The following MLLT3 variants were observed in gnomAD, a reference collection of about 807,000 sequenced individuals.
MLLT3 encodes protein AF-9.
Under a neutral mutation model 53.2 loss-of-function variants are expected in MLLT3, and 4 were observed. That is an observed-to-expected ratio of 0.08 (90% CI 0.04 to 0.17). MLLT3 has a LOEUF of 0.17. MLLT3 is among the 10% of genes least tolerant of loss of function. MLLT3 has a pLI of 1.00. For synonymous variants in MLLT3, 283 were observed against 230.6 expected (o/e 1.23, Z -2.06); for missense variants, 569 against 684.0 (o/e 0.83, Z 1.87).
At chr9:20,498,227 C>CAAAAAAAAAAAAAAA (rs529049653) in intron 2 of MLLT3, among the ~76,000 whole-genome samples, 4 of 32,518 alleles carry the variant, frequency 1.2e-4, no homozygotes, top group African/African-American at 1.6e-4. Context: ...GACGCTGTCT[C>CAAAAAAAAAAAAAAA]AAAAAAAAAA....
chr9:20,449,664 A>G (rs1358835874), intron 3 of MLLT3, among the ~76,000 whole-genome samples: 1 of 152,110 alleles, frequency 6.6e-6, no homozygotes, highest in Non-Finnish European at 1.5e-5. Context: ...TAACTACTCA[A>G]AATTCATGGT....
intron 2 of MLLT3, among the ~76,000 whole-genome samples, chr9:20,559,679 C>T (rs1361928055): frequency 1.3e-5 from 2 of 152,162 alleles, no homozygotes; most frequent in African/African-American, 4.8e-5. Flanking sequence ...AATTTGAGTG[C>T]CTCCTCCACC....
chr9:20,604,952 C>G (rs1009777632), intron 2 of MLLT3, among the ~76,000 whole-genome samples: 1 of 152,042 alleles, frequency 6.6e-6, no homozygotes, highest in Non-Finnish European at 1.5e-5. Flanking sequence ...ACTGGCTACA[C>G]AAGATAAAAC....
chr9:20,475,208 A>G (rs1824490426), intron 2 of MLLT3, among the ~76,000 whole-genome samples: 1 of 152,118 alleles, frequency 6.6e-6, no homozygotes, highest in Non-Finnish European at 1.5e-5. Context: ...TAGGAAACTC[A>G]AATACAGCAG....
intron 2 of MLLT3, among the ~76,000 whole-genome samples, chr9:20,505,502 C>G (rs1427283477): frequency 1.3e-5 from 2 of 152,186 alleles, no homozygotes; most frequent in African/African-American, 4.8e-5. Context: ...AAAATGGAAT[C>G]TGTACAAAGT....
At chr9:20,461,364 T>C (rs1226354623) in intron 2 of MLLT3, among the ~76,000 whole-genome samples, 2 of 151,894 alleles carry the variant, frequency 1.3e-5, no homozygotes, top group African/African-American at 4.8e-5. Context: ...GAAAAACACA[T>C]GGAAAGGGGG....
At chr9:20,555,292 C>A (rs879876096) in intron 2 of MLLT3, among the ~76,000 whole-genome samples, 1 of 152,124 alleles carries the variant, frequency 6.6e-6, no homozygotes, top group Non-Finnish European at 1.5e-5. Context: ...GTATTAGCCT[C>A]CAACCTAAAT....
chr9:20,449,011 C>T (rs1042085709), intron 3 of MLLT3, among the ~76,000 whole-genome samples: 4 of 152,210 alleles, frequency 2.6e-5, no homozygotes, highest in African/African-American at 9.6e-5. Flanking sequence ...ACCTTCACTG[C>T]CTACCTCCAT....
At chr9:20,472,045 T>A (rs1281717706) in intron 2 of MLLT3, among the ~76,000 whole-genome samples, 1 of 152,120 alleles carries the variant, frequency 6.6e-6, no homozygotes, top group African/African-American at 2.4e-5. Flanking sequence ...ATGGTTTACT[T>A]GAACTTCATG....
intron 2 of MLLT3, among the ~76,000 whole-genome samples, chr9:20,565,914 ATATATATT>A (rs1819343584): frequency 9.0e-6 from 1 of 111,606 alleles, no homozygotes; most frequent in Non-Finnish European, 1.7e-5. Flanking sequence ...GAAAAAATAT[ATATATATT>A]TATATATATA....
chr9:20,397,208 A>AT (rs1471218662), intron 5 of MLLT3, among the ~76,000 whole-genome samples: 10 of 152,216 alleles, frequency 6.6e-5, no homozygotes, highest in Admixed American at 1.3e-4. Flanking sequence ...TTGAAAGCAT[A>AT]TTTTTTCAAG....
intron 4 of MLLT3, among the ~76,000 whole-genome samples, chr9:20,428,264 A>C (rs1586942250): frequency 6.6e-6 from 1 of 152,074 alleles, no homozygotes; most frequent in African/African-American, 2.4e-5. Flanking sequence ...AATAATCAAA[A>C]CTTTATAGAT....
At chr9:20,466,298 G>T (rs1824236446) in intron 2 of MLLT3, among the ~76,000 whole-genome samples, 1 of 151,990 alleles carries the variant, frequency 6.6e-6, no homozygotes. Flanking sequence ...TCAGATTTTT[G>T]AGCCATTTTG....
intron 2 of MLLT3, among the ~76,000 whole-genome samples, chr9:20,544,909 A>T (rs943733087): frequency 6.6e-6 from 1 of 152,074 alleles, no homozygotes; most frequent in Non-Finnish European, 1.5e-5. Flanking sequence ...ACAAAGTAAG[A>T]ACCTGTCTTT....
At chr9:20,589,531 G>A (rs62547226) in intron 2 of MLLT3, among the ~76,000 whole-genome samples, 3 of 150,016 alleles carry the variant, frequency 2.0e-5, no homozygotes, top group Admixed American at 6.6e-5. Context: ...ACATGTATAC[G>A]TATGTAACTA....
chr9:20,621,960 C>A lies in MLLT3; in HGVS notation c.12+285G>T. ...GAGCGAGAGGGAGTGTGTGAGTGCGCTTCTTGTGACTGCAAAGAGGCGAGG... is the reference window on the plus strand; with the variant it reads ...GAGCGAGAGGGAGTGTGTGAGTGCGATTCTTGTGACTGCAAAGAGGCGAGG... On this transcript the variant is annotated intron_variant, in intron 1 of 10. Coordinates refer to ENST00000380338, the MANE Select transcript of MLLT3 (RefSeq NM_004529.4). This position sits in a 1 kb window ranked among gnomAD's most constrained non-coding sequence, Gnocchi z 7.0. 1 of 1,393,636 alleles carries A rather than the reference C, an allele frequency of 7.2e-7. No homozygotes were observed. The highest frequency in any genetic ancestry group is 9.3e-7 in the Non-Finnish European group (1 of 1,080,196). The allele number at this position is 1,393,636 out of a possible 1,614,324, so 86.3% of individuals were successfully genotyped here. A position where few individuals can be genotyped will look rare whatever the true frequency, so the allele number is the denominator to read the frequency against.
At chr9:20,370,122 G>A (rs1482587520) in intron 5 of MLLT3, among the ~76,000 whole-genome samples, 1 of 152,208 alleles carries the variant, frequency 6.6e-6, no homozygotes, top group Non-Finnish European at 1.5e-5. Flanking sequence ...TCAATGGTAT[G>A]TTCTACAGTG....
intron 10 of MLLT3, among the ~76,000 whole-genome samples, chr9:20,347,801 G>A (rs958383033): frequency 3.3e-5 from 5 of 151,944 alleles, no homozygotes; most frequent in Non-Finnish European, 7.4e-5. Flanking sequence ...ATTCTCTTTA[G>A]GTCAATAATC....
intron 4 of MLLT3, among the ~76,000 whole-genome samples, chr9:20,444,612 C>T (rs1451141998): frequency 6.6e-6 from 1 of 152,130 alleles, no homozygotes; most frequent in African/African-American, 2.4e-5. Context: ...GTGACTCACA[C>T]CTGTAGTTAG....
Sources: gnomAD v4.1 joint callset for allele counts (sites outside exome capture counted in the v4.1 genomes callset) on GRCh38, gnomAD v4.1.1 for gene constraint, Gnocchi (gnomAD v3.1) non-coding constraint, MANE v1.5 for transcripts, NCBI Gene and HGNC (gene_info 2026-07-23, HGNC 2026-07-21) for gene names.